SCMH1: variants seen among roughly 807,000 people sequenced by gnomAD.
SCMH1 encodes polycomb protein SCMH1.
Under a neutral mutation model 70.8 loss-of-function variants are expected in SCMH1, and 37 were observed. That is an observed-to-expected ratio of 0.52 (90% CI 0.40 to 0.69). The LOEUF (loss-of-function observed/expected upper bound fraction) is 0.69, where lower values mean the gene tolerates loss of function less well. SCMH1 is among the 30% of genes least tolerant of loss of function. The pLI, the probability that SCMH1 is intolerant of heterozygous loss-of-function variation, is 0.00. For missense variants in SCMH1, 607 were observed against 827.3 expected (o/e 0.73, Z 3.27); for synonymous variants, 292 against 307.4 (o/e 0.95, Z 0.52).
At chr1:41,075,898 T>A (rs1444414118) in intron 8 of SCMH1, among the ~76,000 whole-genome samples, 1 of 152,252 alleles carries the variant, frequency 6.6e-6, no homozygotes, top group African/African-American at 2.4e-5. Context: ...TGAGCCCTGA[T>A]AACCATGCCA....
chr1:41,083,232 T>A (rs547409264), intron 8 of SCMH1, among the ~76,000 whole-genome samples: 4 of 152,284 alleles, frequency 2.6e-5, no homozygotes, highest in Non-Finnish European at 5.9e-5. Context: ...AACCCCATTG[T>A]CTCAGCCCAA....
chr1:41,133,327 G>A (rs914891602), intron 6 of SCMH1, among the ~76,000 whole-genome samples: 1 of 151,778 alleles, frequency 6.6e-6, no homozygotes, highest in African/African-American at 2.4e-5. Context: ...TCACTCAAGA[G>A]AAAGCAGAAA....
chr1:41,132,514 T>C (rs1203067605), intron 6 of SCMH1, among the ~76,000 whole-genome samples: 1 of 152,216 alleles, frequency 6.6e-6, no homozygotes, highest in Non-Finnish European at 1.5e-5. Flanking sequence ...ACTCTGCTGA[T>C]GGTTTCTTTT....
chr1:41,228,979 T>C (rs938131326), intron 1 of SCMH1, among the ~76,000 whole-genome samples: 9 of 152,100 alleles, frequency 5.9e-5, no homozygotes, highest in South Asian at 2.1e-4. Context: ...GTGGATCACC[T>C]GAGGTCAGGA....
chr1:41,199,840 T>C (rs1653885557), intron 1 of SCMH1, among the ~76,000 whole-genome samples: 1 of 152,118 alleles, frequency 6.6e-6, no homozygotes, highest in South Asian at 2.1e-4. Context: ...TATACCCTTG[T>C]AACAAACCTG....
At chr1:41,092,264 A>C (rs1663780371) in intron 8 of SCMH1, among the ~76,000 whole-genome samples, 1 of 152,256 alleles carries the variant, frequency 6.6e-6, no homozygotes, top group African/African-American at 2.4e-5. Flanking sequence ...GAAAAACAAG[A>C]AATAGGGAAA....
chr1:41,130,002 G>C (rs140556461), intron 6 of SCMH1, among the ~76,000 whole-genome samples: 171 of 152,084 alleles, frequency 1.1e-3, no homozygotes, highest in Non-Finnish European at 2.1e-3. Flanking sequence ...GTTATTTTCT[G>C]TTTTTTTCCT....
intron 8 of SCMH1, among the ~76,000 whole-genome samples, chr1:41,108,036 G>C (rs1012807976): frequency 3.9e-5 from 6 of 152,180 alleles, no homozygotes; most frequent in African/African-American, 1.4e-4. Context: ...CCACGATGTT[G>C]AGTCCGATTT....
intron 1 of SCMH1, among the ~76,000 whole-genome samples, chr1:41,197,959 T>A (rs561316621): frequency 6.6e-6 from 1 of 152,306 alleles, no homozygotes; most frequent in East Asian, 1.9e-4. Flanking sequence ...TAGCATGCAG[T>A]ACAGATGGGC....
At chr1:41,167,351 T>C (rs973979059) in intron 2 of SCMH1, among the ~76,000 whole-genome samples, 2 of 152,172 alleles carry the variant, frequency 1.3e-5, no homozygotes, top group Non-Finnish European at 2.9e-5. Context: ...TATCTTTGTC[T>C]GGCTTTGGTA....
intron 6 of SCMH1, among the ~76,000 whole-genome samples, chr1:41,129,581 C>T (rs376741792): frequency 6.6e-6 from 1 of 152,112 alleles, no homozygotes; most frequent in Non-Finnish European, 1.5e-5. Context: ...TCTCTCTTCC[C>T]CAGCCCCGCT....
In SCMH1 at chr1:41,042,255, CTT is replaced by C. The variant is rs530737168; in HGVS notation, c.1498+4150_1498+4151del. Among the ~76,000 whole-genome samples, 943 of 142,362 alleles carry C rather than the reference CTT, an allele frequency of 6.6e-3. 15 individuals carry two copies. The highest frequency in any genetic ancestry group is 0.023 in the African/African-American group (902 of 39,140). 93.4% of individuals were successfully genotyped at this position (142,362 alleles called of 152,430 possible). A position where few individuals can be genotyped will look rare whatever the true frequency, so the allele number is the denominator to read the frequency against. ...GTATTTTTTAGGGTGCCAGAAGGGG[CTT>C]TTTTTTTTTGAGATGGAGTTTCGCT... is the stretch of plus-strand genomic sequence containing the variant. On this transcript the variant is annotated intron_variant, in intron 12 of 14. Coordinates refer to ENST00000337495, the Ensembl canonical transcript of SCMH1.
intron 6 of SCMH1, among the ~76,000 whole-genome samples, chr1:41,126,370 T>G (rs1360268154): frequency 1.3e-5 from 2 of 152,172 alleles, no homozygotes; most frequent in Admixed American, 6.6e-5. Context: ...AGGGTTTGCT[T>G]TGTTCATCTT....
intron 10 of SCMH1, among the ~76,000 whole-genome samples, chr1:41,055,384 C>T (rs1469429478): frequency 6.6e-6 from 1 of 151,890 alleles, no homozygotes; most frequent in African/African-American, 2.4e-5. Context: ...GAGTCTCACT[C>T]TGTCGCCCAG....
chr1:41,086,618 A>C (rs1020025766), intron 8 of SCMH1, among the ~76,000 whole-genome samples: 1 of 152,106 alleles, frequency 6.6e-6, no homozygotes, highest in African/African-American at 2.4e-5. Context: ...ATTAAAAAAA[A>C]CCACAACCAG....
At position 41,216,287 on chromosome 1, in the gene SCMH1, G is replaced by C. The variant is rs114124698; in HGVS notation, c.-118+25772C>G. Among the ~76,000 whole-genome samples the C allele has an allele frequency of 6.1e-3, 930 of 152,276 alleles. 15 individuals are homozygous for C. The highest frequency in any genetic ancestry group is 0.021 in the African/African-American group (889 of 41,548). ...TCGGCACTAAAGAAAATCCAAATAA[G>C]TATAACTCCTCATTAAGGTAGGCAA... On this transcript the variant is annotated intron_variant, in intron 1 of 14. Transcript: ENST00000337495.
intron 1 of SCMH1, among the ~76,000 whole-genome samples, chr1:41,213,613 C>A (rs768083916): frequency 6.6e-6 from 1 of 152,076 alleles, no homozygotes; most frequent in South Asian, 2.1e-4. Context: ...GTCTAAATTA[C>A]CCCCCATTTA....
chr1:41,151,791 TA>T (rs1645099248), intron 4 of SCMH1, 107 bp from the exon 5 acceptor site: 6 of 646,182 alleles, frequency 9.3e-6, no homozygotes, highest in South Asian at 2.4e-5. Flanking sequence ...GTTTTGAGCA[TA>T]AAAAATATAA....
At chr1:41,059,085 G>A (rs79481015) in intron 10 of SCMH1, among the ~76,000 whole-genome samples, 11,875 of 152,220 alleles carry the variant, frequency 0.078, 595 homozygotes, top group South Asian at 0.13. Context: ...TGGCTAATGC[G>A]TAATGCTAGT....
Sources: gnomAD v4.1 joint callset for allele counts (sites outside exome capture counted in the v4.1 genomes callset) on GRCh38, gnomAD v4.1.1 for gene constraint, MANE v1.5 for transcripts, NCBI Gene and HGNC (gene_info 2026-07-23, HGNC 2026-07-21) for gene names.